The following TAC3 variants were observed in gnomAD, a reference collection of about 807,000 sequenced individuals.
TAC3 encodes the protein tachykinin-3.
In TAC3, 9 loss-of-function variants were observed where a neutral mutation model predicts 16.5. The ratio of observed to expected loss-of-function variants is 0.55; its 90% CI spans 0.33 to 0.95. TAC3 has a LOEUF of 0.95. Among genes scored for constraint, TAC3 ranks in the 40% least tolerant of loss-of-function variants. TAC3 has a pLI of 0.03. For missense variants in TAC3, 129 were observed against 149.1 expected (o/e 0.87, Z 0.70); for synonymous variants, 52 against 56.7 (o/e 0.92, Z 0.37).
At position 57,010,034 on chromosome 12, in the gene TAC3, G is replaced by C; in HGVS notation, c.*256C>G. ...AAAAATCCTTTATTGTTGAGGAATA[G>C]AGAGAGACATTATATTTTTAATGTA... On this transcript the variant is annotated 3_prime_UTR_variant, in exon 7 of 7. Coordinates refer to ENST00000458521, the MANE Select transcript of TAC3 (RefSeq NM_013251.4). 2.3e-6 allele frequency: 1 copy of C among 442,812 alleles called. No homozygotes were observed. Among genetic ancestry groups the C allele is most frequent in the South Asian group, 1.6e-5 (1 of 63,470 alleles). The allele number at this position is 442,812 out of a possible 1,614,324, so 27.4% of individuals were successfully genotyped here.
At chr12:57,015,538 G>C (rs1332559183) in intron 2 of TAC3, 146 bp downstream of exon 2, 7 of 703,364 alleles carry the variant, frequency 1.0e-5, no homozygotes, top group Non-Finnish European at 1.8e-5. Context: ...AACATGAAAG[G>C]ACCAGAGAAA....
intron 6 of TAC3, chr12:57,010,831 C>T (rs1394181538): frequency 6.6e-6 from 1 of 152,218 alleles, no homozygotes; most frequent in Non-Finnish European, 1.5e-5. Flanking sequence ...TTCTGCCTGA[C>T]ACCTAACAGG....
intron 2 of TAC3, among the ~76,000 whole-genome samples, chr12:57,013,972 A>G (rs1238041468): frequency 6.6e-6 from 1 of 152,170 alleles, no homozygotes; most frequent in Non-Finnish European, 1.5e-5. Context: ...GCATGGTGAG[A>G]TTGGAGGCAC....
Position 57,010,089 on chromosome 12 carries a change from C to A in TAC3, c.*201G>T. The A allele has an allele frequency of 2.2e-6, 1 of 454,076 alleles. No homozygotes were observed. Among genetic ancestry groups the A allele is most frequent in the Middle Eastern group, 6.9e-4 (1 of 1,444 alleles). 28.1% of individuals were successfully genotyped at this position (454,076 alleles called of 1,614,324 possible). On this transcript the variant is annotated 3_prime_UTR_variant, in exon 7 of 7. Transcript: ENST00000458521. ...ACTACAGGAACTCTAGGGTATTCTA[C>A]AGTCAATGCCCATTGGGGTTGGGGA...
At position 57,012,362 on chromosome 12, in the gene TAC3, A is replaced by G; in HGVS notation, c.*1+16T>C. 6.2e-7 allele frequency: 1 copy of G among 1,610,132 alleles called. No homozygotes were observed. Among genetic ancestry groups the G allele is most frequent in the Non-Finnish European group, 8.5e-7 (1 of 1,177,318 alleles). On this transcript the variant is annotated intron_variant, in intron 6 of 6. Transcript: ENST00000458521. ...CTCCCCAGTCCCCTCTCCCCTCTCT[A>G]ATGAACAATCCTTACCCTATTCTGC...
intron 6 of TAC3, chr12:57,012,165 C>T: frequency 1.7e-6 from 1 of 583,432 alleles, no homozygotes; most frequent in East Asian, 3.0e-5. Context: ...CGTCCATGAT[C>T]CAGAGGAAAG....
chr12:57,013,705 G>A (rs779906616), intron 2 of TAC3, 34 bp from the exon 3 acceptor site: 1 of 1,538,384 alleles, frequency 6.5e-7, no homozygotes, highest in Non-Finnish European at 8.9e-7. Flanking sequence ...GAGGCAGGAG[G>A]CTCCCACCCG....
chr12:57,014,623 G>T (rs570459385), intron 2 of TAC3, among the ~76,000 whole-genome samples: 1 of 152,080 alleles, frequency 6.6e-6, no homozygotes, highest in Non-Finnish European at 1.5e-5. Context: ...TGTCTCAGAA[G>T]AACTCAGATA....
intron 2 of TAC3, among the ~76,000 whole-genome samples, chr12:57,013,987 C>G (rs573268315): frequency 2.0e-5 from 3 of 152,326 alleles, no homozygotes; most frequent in East Asian, 1.9e-4. Flanking sequence ...AGGCACACAT[C>G]TGCACCTGTG....
Position 57,015,664 on chromosome 12 carries a change from C to G in TAC3, c.114+20G>C. 6.2e-7 allele frequency: 1 copy of G among 1,603,628 alleles called. No individual in the cohort carries two copies. The highest frequency in any genetic ancestry group is 1.3e-5 in the African/African-American group (1 of 74,808). ...CCAAGTTCCCGTGATGTCCCCAGTACTCTGCCAGGGGAGACTTACCTTGCT... is the reference window on the plus strand; with the variant it reads ...CCAAGTTCCCGTGATGTCCCCAGTAGTCTGCCAGGGGAGACTTACCTTGCT... On this transcript the variant is annotated intron_variant, in intron 2 of 6. Coordinates refer to ENST00000458521, the MANE Select transcript of TAC3 (RefSeq NM_013251.4).
chr12:57,010,401 G>A (rs548441361), intron 6 of TAC3, 113 bp from the exon 7 acceptor site: 18 of 349,974 alleles, frequency 5.1e-5, no homozygotes, highest in African/African-American at 1.9e-4. Context: ...GGGGAGAGGC[G>A]TCTGTGAGAG....
chr12:57,016,406 CG>C lies in TAC3; in HGVS notation c.-26del. 1 of 452,208 alleles carries C rather than the reference CG, an allele frequency of 2.2e-6. No homozygotes were observed. The allele number at this position is 452,208 out of a possible 1,614,324, so 28.0% of individuals were successfully genotyped here. On this transcript the variant is annotated 5_prime_UTR_variant, in exon 1 of 7. Transcript: ENST00000458521. ...GCCTACCTGTGGAGCAGCTCTGTGC[CG>C]GGGGCTGGGTGGTCTGGCAGGATCA...
chr12:57,011,310 G>A (rs1956294568), intron 6 of TAC3, among the ~76,000 whole-genome samples: 1 of 152,202 alleles, frequency 6.6e-6, no homozygotes, highest in South Asian at 2.1e-4. Flanking sequence ...GACACAGAGA[G>A]AAAAGCAGGA....
At chr12:57,015,611 C>T in intron 2 of TAC3, 73 bp downstream of exon 2, 1 of 1,395,628 alleles carries the variant, frequency 7.2e-7, no homozygotes. Flanking sequence ...CCAGTTTCCT[C>T]ACTACAGCTG....
At chr12:57,013,441 A>G in intron 3 of TAC3, 53 bp from the exon 4 acceptor site, 1 of 1,609,262 alleles carries the variant, frequency 6.2e-7, no homozygotes, top group Non-Finnish European at 8.5e-7. Context: ...GAAAGTGATG[A>G]GAGCGGGGTT....
At chr12:57,015,878 A>G (rs917825067) in intron 1 of TAC3, 76 bp from the exon 2 acceptor site, 2 of 1,278,440 alleles carry the variant, frequency 1.6e-6, no homozygotes, top group East Asian at 2.4e-5. Context: ...CACAAGAGAC[A>G]TTCATTACCA....
In TAC3 at chr12:57,013,074, T is replaced by C. The variant is rs895578247; in HGVS notation, c.239-199A>G. 1.5e-5 allele frequency: 12 copies of C among 798,568 alleles called. No homozygotes were observed. In the East Asian group the frequency reaches 3.2e-4, roughly 21 times the overall value. The allele number at this position is 798,568 out of a possible 1,614,324, so 49.5% of individuals were successfully genotyped here. Reference sequence around the variant, plus strand: ...TTTCCTTCCTCCACATTTCAAGAATTTTCTGCTCTAGCAGGTGCCTGATTT... The same window carrying C: ...TTTCCTTCCTCCACATTTCAAGAATCTTCTGCTCTAGCAGGTGCCTGATTT... On this transcript the variant is annotated intron_variant, in intron 4 of 6. Coordinates refer to ENST00000458521, the MANE Select transcript of TAC3 (RefSeq NM_013251.4).
In TAC3 at chr12:57,016,485, G is replaced by C. The variant is rs1300446344; in HGVS notation, c.-104C>G. The C allele has an allele frequency of 2.2e-6, 1 of 454,404 alleles. No individual in the cohort carries two copies. Among genetic ancestry groups the C allele is most frequent in the African/African-American group, 2.0e-5 (1 of 49,978 alleles). The allele number at this position is 454,404 out of a possible 1,614,324, so 28.1% of individuals were successfully genotyped here. On this transcript the variant is annotated 5_prime_UTR_variant, in exon 1 of 7. Coordinates refer to ENST00000458521, the MANE Select transcript of TAC3 (RefSeq NM_013251.4). The stretch of plus-strand genomic sequence containing the variant: ...CCCCTCACACACTGGTGCTGCCGGT[G>C]CTCCTGCAAAGAGAGAAACCGAGTG...
chr12:57,013,159 G>A lies in TAC3; in HGVS notation c.238+200C>T. The A allele has an allele frequency of 2.7e-5, 20 of 747,238 alleles. No homozygotes were observed. The South Asian group carries it at 2.9e-4, about 11-fold the overall frequency. The allele number at this position is 747,238 out of a possible 1,614,324, so 46.3% of individuals were successfully genotyped here. On this transcript the variant is annotated intron_variant, in intron 4 of 6. Transcript: ENST00000458521. ...TTCCAAGGACCAGCCAGCAGAGGGA[G>A]AGCCCACCATGCCCCTCACACCAGC... is the stretch of plus-strand genomic sequence containing the variant.
Sources: allele counts gnomAD v4.1 joint callset (sites outside exome capture counted in the v4.1 genomes callset), GRCh38; gene constraint gnomAD v4.1.1; transcripts MANE v1.5; gene names NCBI Gene and HGNC (gene_info 2026-07-23, HGNC 2026-07-21).